MX1: variants seen among roughly 807,000 people sequenced by gnomAD.
The protein encoded by MX1 is interferon-induced GTP-binding protein Mx1.
In MX1, 66 loss-of-function variants were observed where a neutral mutation model predicts 66.4. The observed-to-expected ratio is 0.99, with a 90% confidence interval of 0.82 to 1.22. The LOEUF (loss-of-function observed/expected upper bound fraction) is 1.22. MX1 is among the 50% of genes most tolerant of loss of function. MX1 has a pLI of 0.00. For synonymous variants in MX1, 311 were observed against 318.1 expected (o/e 0.98, Z 0.24); for missense variants, 787 against 834.3 (o/e 0.94, Z 0.70).
At chr21:41,456,309 A>G (rs958897726) in intron 16 of MX1, among the ~76,000 whole-genome samples, 2 of 152,216 alleles carry the variant, frequency 1.3e-5, no homozygotes, top group Non-Finnish European at 2.9e-5. Context: ...AAATATATGT[A>G]TATTTCAAGG....
At chr21:41,430,206 C>A (rs184394096) in intron 3 of MX1, among the ~76,000 whole-genome samples, 17 of 152,050 alleles carry the variant, frequency 1.1e-4, no homozygotes, top group Middle Eastern at 3.4e-3. Context: ...TTTGTTTTAA[C>A]AACCTGTCCC....
At chr21:41,439,902 GA>G in intron 8 of MX1, 54 bp downstream of exon 8, 2 of 1,433,012 alleles carry the variant, frequency 1.4e-6, no homozygotes, top group Admixed American at 1.7e-5. Context: ...TGGGGGAGTG[GA>G]GGGGTGGGAG....
Position 41,441,803 on chromosome 21 carries a change from AG to A in MX1, c.821del (p.Gly274ValfsTer3). ...CGGAACCTCGTGTTCCACCTGAAGA[AG>A]GGTTACATGATTGTCAAGTGCCGGG... Reference protein sequence around the residue: ...VVRNLVFHLKKGYMIVKCRGQ... With the variant: ...VVRNLVFHLKXGYMIVKCRGQ... On this transcript the variant is annotated frameshift_variant, in exon 10 of 17. Transcript: ENST00000398598. LOFTEE classifies it high-confidence loss of function. The surrounding 1 kb of genome is among the most constrained non-coding windows in gnomAD (Gnocchi z 4.0). 1 of 1,614,182 alleles carries A rather than the reference AG, an allele frequency of 6.2e-7. No homozygotes were observed. The highest frequency in any genetic ancestry group is 8.5e-7 in the Non-Finnish European group (1 of 1,180,036).
intron 5 of MX1, among the ~76,000 whole-genome samples, chr21:41,434,649 A>C (rs2090312124): frequency 6.6e-6 from 1 of 152,170 alleles, no homozygotes; most frequent in South Asian, 2.1e-4. Flanking sequence ...TCAACCTTCA[A>C]GTGATAGTCT....
intron 8 of MX1, 54 bp downstream of exon 8, chr21:41,439,902 G>A (rs1053054095): frequency 2.1e-6 from 3 of 1,433,014 alleles, no homozygotes; most frequent in Non-Finnish European, 2.9e-6. Context: ...TGGGGGAGTG[G>A]AGGGGTGGGA....
At position 41,458,729 on chromosome 21, in the gene MX1, C is replaced by T. The variant is rs770943715; in HGVS notation, c.1960C>T (p.Arg654Trp). The T allele has an allele frequency of 5.0e-6, 8 of 1,613,332 alleles. No homozygotes were observed. The highest frequency in any genetic ancestry group is 1.6e-4 in the Middle Eastern group (1 of 6,084). Residue 654 changes from arginine to tryptophan, a missense_variant, in exon 17 of 17, where the codon CGG becomes TGG. Arg to Trp is a moderately radical substitution (Grantham distance 101). Transcript: ENST00000398598. ...KERLARLTQA[R>W]RRLAQFPG ...GCGGCTTGCACGGCTGACGCAGGCTCGGCGCCGGCTTGCCCAGTTCCCCGG... is the reference window on the plus strand; with the variant it reads ...GCGGCTTGCACGGCTGACGCAGGCTTGGCGCCGGCTTGCCCAGTTCCCCGG...
At position 41,441,088 on chromosome 21, in the gene MX1, G is replaced by A; in HGVS notation, c.730+63G>A. On this transcript the variant is annotated intron_variant, in intron 9 of 16. Coordinates refer to ENST00000398598, the MANE Select transcript of MX1 (RefSeq NM_002462.5). The surrounding 1 kb of genome is among the most constrained non-coding windows in gnomAD (Gnocchi z 4.0). ...GGGGGAGCCCGCCTGTGCTCGGTGA[G>A]AATGGGGGAGCCCACCTGTGCTCGG... The A allele has an allele frequency of 1.4e-6, 2 of 1,444,456 alleles. No individual in the cohort carries two copies. The highest frequency in any genetic ancestry group is 2.9e-5 in the East Asian group (1 of 34,986). 89.5% of individuals were successfully genotyped at this position (1,444,456 alleles called of 1,614,324 possible).
Position 41,449,233 on chromosome 21 carries a change from T to A in MX1, c.1370T>A (p.Ile457Asn). The change falls in exon 14 of 17, where the codon ATC becomes AAC. Residue 457 changes from isoleucine to asparagine, a missense_variant. By Grantham distance (149) the Ile-to-Asn change is moderately radical. Coordinates refer to ENST00000398598, the MANE Select transcript of MX1 (RefSeq NM_002462.5). ...GTGAATTACAGGACATTTGAGACAA[T>A]CGTGAAACAGCAAATCAAGGCACTG... ...GFVNYRTFET[I>N]VKQQIKALEE... 6.2e-7 allele frequency: 1 copy of A among 1,613,868 alleles called. No homozygotes were observed. Among genetic ancestry groups the A allele is most frequent in the South Asian group, 1.1e-5 (1 of 91,058 alleles).
At chr21:41,452,520 C>T (rs1476734970) in intron 15 of MX1, 101 bp from the exon 16 acceptor site, 2 of 1,329,554 alleles carry the variant, frequency 1.5e-6, no homozygotes, top group East Asian at 2.3e-5. Context: ...CTGTTTCACT[C>T]ACGTTGGGTA....
At chr21:41,451,858 A>T in intron 15 of MX1, among the ~76,000 whole-genome samples, 1 of 138,248 alleles carries the variant, frequency 7.2e-6, no homozygotes, top group East Asian at 2.2e-4. Flanking sequence ...AAAACAAACA[A>T]AAAAACTTTC....
At chr21:41,424,011 G>C (rs2090019102), upstream of MX1, among the ~76,000 whole-genome samples, 1 of 152,128 alleles carries the variant, frequency 6.6e-6, no homozygotes, top group Non-Finnish European at 1.5e-5. Flanking sequence ...TCGTGAACAA[G>C]GGCCCTTAGG....
Position 41,451,177 on chromosome 21 carries a change from G to T in MX1, c.1443G>T (p.Arg481=). Residue 481 remains arginine (R), a synonymous_variant, in exon 15 of 17, where the codon CGG becomes CGT. Coordinates refer to ENST00000398598, the MANE Select transcript of MX1 (RefSeq NM_002462.5). ...TCTCTCTTTGATTAGATATGGTCCG[G>T]CTTGCTTTCACAGATGTTTCGATAA... ...DMLHTVTDMV[R]LAFTDVSIKN... is the part of the protein sequence containing the mutation. 6.2e-7 allele frequency: 1 copy of T among 1,610,478 alleles called. No individual in the cohort carries two copies. Among genetic ancestry groups the T allele is most frequent in the Non-Finnish European group, 8.5e-7 (1 of 1,177,364 alleles).
At chr21:41,439,908 T>TGGGGGGGGGG in intron 8 of MX1, 60 bp downstream of exon 8, 1 of 885,994 alleles carries the variant, frequency 1.1e-6, no homozygotes, top group Non-Finnish European at 1.7e-6. Flanking sequence ...AGTGGAGGGG[T>TGGGGGGGGGG]GGGAGGAGAA....
chr21:41,435,802 G>A, intron 5 of MX1, 35 bp from the exon 6 acceptor site: 1 of 1,586,994 alleles, frequency 6.3e-7, no homozygotes, highest in East Asian at 2.3e-5. Flanking sequence ...ATGATTTGCA[G>A]GCCATGAAGA....
chr21:41,444,891 C>T (rs868616964), intron 11 of MX1, among the ~76,000 whole-genome samples: 14 of 152,164 alleles, frequency 9.2e-5, no homozygotes, highest in African/African-American at 1.7e-4. Flanking sequence ...CCCTCACTAA[C>T]TTGTGAGTCC....
Position 41,441,627 on chromosome 21 carries a change from C to A in MX1, c.731-89C>A, listed in dbSNP as rs1007546714. On this transcript the variant is annotated intron_variant, in intron 9 of 16. Transcript: ENST00000398598. The surrounding 1 kb of genome is among the most constrained non-coding windows in gnomAD (Gnocchi z 4.0). ...GTCCTCAAGCAAGGATGGGAGGAAACCCTGGGAGGCCGGGGGCGTGAGCAG... is the reference window on the plus strand; with the variant it reads ...GTCCTCAAGCAAGGATGGGAGGAAAACCTGGGAGGCCGGGGGCGTGAGCAG... 9.4e-6 allele frequency: 13 copies of A among 1,388,976 alleles called. No homozygotes were observed. The Admixed American group carries it at 1.2e-4, about 13-fold the overall frequency. 86.0% of individuals were successfully genotyped at this position (1,388,976 alleles called of 1,614,324 possible).
chr21:41,426,827 A>G (rs981735656), intron 1 of MX1: 2 of 135,062 alleles, frequency 1.5e-5, no homozygotes, highest in Non-Finnish European at 3.2e-5. Flanking sequence ...ATGCGCGGGA[A>G]GACCCCTGCC....
chr21:41,443,132 A>T (rs1207833606), intron 10 of MX1, among the ~76,000 whole-genome samples: 1 of 151,682 alleles, frequency 6.6e-6, no homozygotes, highest in Non-Finnish European at 1.5e-5. Context: ...CACAATTTAG[A>T]AAAATTGACA....
intron 14 of MX1, 74 bp downstream of exon 14, chr21:41,449,369 C>T: frequency 6.7e-7 from 1 of 1,492,400 alleles, no homozygotes; most frequent in South Asian, 1.3e-5. Context: ...CAGCACCAAA[C>T]TTCAGCACTT....
Sources: gnomAD v4.1 joint callset for allele counts (sites outside exome capture counted in the v4.1 genomes callset) on GRCh38, gnomAD v4.1.1 for gene constraint, Gnocchi (gnomAD v3.1) non-coding constraint, MANE v1.5 for transcripts, NCBI Gene and HGNC (gene_info 2026-07-23, HGNC 2026-07-21) for gene names.